Variants in ANKRD50 observed in about 807,000 individuals in gnomAD.
The protein encoded by ANKRD50 is ankyrin repeat domain 50.
A neutral mutation model predicts 112.0 loss-of-function variants in ANKRD50; 40 were observed. That is an observed-to-expected ratio of 0.36 (90% confidence interval 0.28 to 0.46). The LOEUF (loss-of-function observed/expected upper bound fraction) is 0.46, where lower values mean the gene tolerates loss of function less well. Among genes scored for constraint, ANKRD50 ranks in the 20% least tolerant of loss-of-function variants. The probability of loss-of-function intolerance (pLI) is 1.00; values close to 1 mark genes in which losing one functional copy is unlikely to be tolerated. For synonymous variants in ANKRD50, 613 were observed against 619.1 expected (o/e 0.99, Z 0.15); for missense variants, 1,487 against 1,701.7 (o/e 0.87, Z 2.22).
At chr4:124,700,692 A>C (rs1560830827) in intron 2 of ANKRD50, among the ~76,000 whole-genome samples, 3 of 152,182 alleles carry the variant, frequency 2.0e-5, no homozygotes, top group South Asian at 4.1e-4. Flanking sequence ...AAACACCCCA[A>C]AACTCTGTGA....
intron 2 of ANKRD50, among the ~76,000 whole-genome samples, chr4:124,702,817 A>G (rs1420023798): frequency 6.6e-6 from 1 of 152,190 alleles, no homozygotes; most frequent in Admixed American, 6.5e-5. Flanking sequence ...TCAATACTTT[A>G]GCCCTAATAC....
intron 2 of ANKRD50, among the ~76,000 whole-genome samples, chr4:124,687,502 C>A (rs1725035050): frequency 6.6e-6 from 1 of 150,930 alleles, no homozygotes; most frequent in African/African-American, 2.4e-5. Flanking sequence ...AAAGCGGGAT[C>A]CATAGAAGGA....
intron 2 of ANKRD50, among the ~76,000 whole-genome samples, chr4:124,682,789 T>C (rs1167477998): frequency 6.6e-6 from 1 of 152,136 alleles, no homozygotes; most frequent in Non-Finnish European, 1.5e-5. Context: ...AGTGAAATTT[T>C]TATAGGCAAC....
Position 124,669,009 on chromosome 4 carries a change from T to C in ANKRD50, c.4268A>G (p.Tyr1423Cys). Residue 1423 changes from tyrosine to cysteine, a missense_variant, in exon 4 of 5, where the codon TAT (tyrosine) becomes TGT (cysteine). Around this residue, in one of 2 missense-constraint regions of ANKRD50, gnomAD observed 441 missense variants for 432.2 expected, o/e 1.02. Coordinates refer to ENST00000504087, the MANE Select transcript of ANKRD50 (RefSeq NM_020337.3). ...QIEGSDPSFN[Y>C]KKETPL The stretch of plus-strand genomic sequence containing the variant: ...CTTTTATAATGGTGTTTCCTTTTTA[T>C]AGTTGAAGCTAGGGTCAGAACCTTC... The C allele has an allele frequency of 1.2e-6, 2 of 1,604,014 alleles. No individual in the cohort carries two copies. The highest frequency in any genetic ancestry group is 2.2e-5 in the East Asian group (1 of 44,798).
In ANKRD50 at chr4:124,665,181, C is replaced by T. The variant is rs1293757531; in HGVS notation, c.*2337G>A. The T allele has an allele frequency of 1.3e-5, 2 of 152,162 alleles. No individual in the cohort carries two copies. Among genetic ancestry groups the T allele is most frequent in the Non-Finnish European group, 2.9e-5 (2 of 67,846 alleles). The allele number at this position is 152,162 out of a possible 1,614,324, so 9.4% of individuals were successfully genotyped here. On this transcript the variant is annotated 3_prime_UTR_variant, in exon 5 of 5. Transcript: ENST00000504087. ...AGCAAGGCAGGGCATCTCCAGCACC[C>T]ATCCTATCATCCTTATCCTAACTCA... is the stretch of plus-strand genomic sequence containing the variant.
At chr4:124,686,778 A>G (rs2110517139) in intron 2 of ANKRD50, among the ~76,000 whole-genome samples, 1 of 152,266 alleles carries the variant, frequency 6.6e-6, no homozygotes, top group African/African-American at 2.4e-5. Context: ...GATATTGAGA[A>G]AATCCACCTG....
intron 2 of ANKRD50, among the ~76,000 whole-genome samples, chr4:124,696,051 GATA>G (rs1725244589): frequency 6.6e-6 from 1 of 151,998 alleles, no homozygotes; most frequent in Admixed American, 6.6e-5. Context: ...AGAAAAAAGA[GATA>G]ATAGATGCAG....
chr4:124,678,160 C>T (rs928091070), intron 3 of ANKRD50, among the ~76,000 whole-genome samples: 6 of 152,022 alleles, frequency 3.9e-5, no homozygotes, highest in Admixed American at 1.3e-4. Flanking sequence ...TAATATCTCT[C>T]CAATTACACT....
intron 2 of ANKRD50, among the ~76,000 whole-genome samples, chr4:124,696,513 T>A (rs1255068920): frequency 6.6e-6 from 1 of 152,044 alleles, no homozygotes; most frequent in Non-Finnish European, 1.5e-5. Context: ...TCCACAGATT[T>A]AAGAAACTCA....
intron 2 of ANKRD50, among the ~76,000 whole-genome samples, chr4:124,693,754 C>T (rs1725189445): frequency 6.6e-6 from 1 of 152,012 alleles, no homozygotes; most frequent in Non-Finnish European, 1.5e-5. Context: ...ATTCTGAAGC[C>T]TGAAATCTCA....
At chr4:124,702,519 T>A (rs1725414100) in intron 2 of ANKRD50, among the ~76,000 whole-genome samples, 3 of 152,190 alleles carry the variant, frequency 2.0e-5, no homozygotes. Context: ...TCTGATTCCC[T>A]AGACCTGAGA....
intron 2 of ANKRD50, among the ~76,000 whole-genome samples, chr4:124,695,223 T>C (rs1725227422): frequency 6.6e-6 from 1 of 152,140 alleles, no homozygotes; most frequent in South Asian, 2.1e-4. Context: ...GAGGGCTTGT[T>C]GAAGCAAGAA....
intron 2 of ANKRD50, among the ~76,000 whole-genome samples, chr4:124,684,327 T>C (rs1484810967): frequency 1.3e-5 from 2 of 152,178 alleles, no homozygotes; most frequent in African/African-American, 4.8e-5. Flanking sequence ...GTCAGAGTTA[T>C]AGGTATAAAC....
chr4:124,671,982 C>T lies in ANKRD50; in HGVS notation c.1295G>A (p.Gly432Glu), dbSNP rs1730668489. 6.2e-7 allele frequency: 1 copy of T among 1,613,802 alleles called. No individual in the cohort carries two copies. The highest frequency in any genetic ancestry group is 1.7e-5 in the Admixed American group (1 of 59,978). Reference sequence around the variant, plus strand: ...ATAACTCATAGCCAACATTCTGTGTCCTTCTGCTGCATTACATAAATACTT... The same window carrying T: ...ATAACTCATAGCCAACATTCTGTGTTCTTCTGCTGCATTACATAAATACTT... ...TQKYLCNAAE[G>E]HRMLAMSYTC... The change falls in exon 4 of 5, where the codon GGA (glycine) becomes GAA (glutamate). Residue 432 changes from glycine to glutamate, a missense_variant. Physicochemically the swap from Gly to Glu is moderately conservative, Grantham distance 98. Around this residue, in one of 2 missense-constraint regions of ANKRD50, gnomAD observed 1,046 missense variants for 1,269.5 expected, o/e 0.82. Coordinates refer to ENST00000504087, the MANE Select transcript of ANKRD50 (RefSeq NM_020337.3).
intron 2 of ANKRD50, among the ~76,000 whole-genome samples, chr4:124,683,536 T>C (rs1724939190): frequency 6.6e-6 from 1 of 151,984 alleles, no homozygotes; most frequent in Non-Finnish European, 1.5e-5. Context: ...TCTATTTATG[T>C]ACCCCTTCAT....
rs561945095 is a variant in ANKRD50, at chr4:124,712,422, G to A, written c.-764+36C>T. ...TCCCAGCTTCCAACCCGAGGGAGGG[G>A]CCTCGCTTCCACCGCCGCCGCCGCC... On this transcript the variant is annotated intron_variant, in intron 1 of 4. Coordinates refer to ENST00000504087, the MANE Select transcript of ANKRD50 (RefSeq NM_020337.3). 26 of 159,278 alleles carry A rather than the reference G, an allele frequency of 1.6e-4. No individual in the cohort carries two copies. In the South Asian group the frequency reaches 2.6e-3, roughly 16 times the overall value. The allele number at this position is 159,278 out of a possible 1,614,324, so 9.9% of individuals were successfully genotyped here.
At chr4:124,674,670 T>C (rs913722427) in intron 3 of ANKRD50, among the ~76,000 whole-genome samples, 1 of 151,914 alleles carries the variant, frequency 6.6e-6, no homozygotes, top group Non-Finnish European at 1.5e-5. Flanking sequence ...ACTCAAGTGT[T>C]TGACAGGGGA....
intron 2 of ANKRD50, among the ~76,000 whole-genome samples, chr4:124,702,142 A>G (rs1725406897): frequency 6.6e-6 from 1 of 152,096 alleles, no homozygotes; most frequent in Non-Finnish European, 1.5e-5. Flanking sequence ...ATAGAAACAC[A>G]TGTTAGATGA....
At chr4:124,689,927 T>TG (rs10624217) in intron 2 of ANKRD50, among the ~76,000 whole-genome samples, 1 of 149,288 alleles carries the variant, frequency 6.7e-6, no homozygotes, top group Non-Finnish European at 1.5e-5. Context: ...ACATAATTTG[T>TG]TTTTTAAAAT....
Sources: gnomAD v4.1 joint callset for allele counts (sites outside exome capture counted in the v4.1 genomes callset) on GRCh38, gnomAD v4.1.1 for gene constraint, gnomAD v4.1.1 regional missense constraint, MANE v1.5 for transcripts, NCBI Gene and HGNC (gene_info 2026-07-23, HGNC 2026-07-21) for gene names.